RNF182: variants seen among roughly 807,000 people sequenced by gnomAD.
RNF182 encodes the protein ring finger protein 182.
A neutral mutation model predicts 14.4 loss-of-function variants in RNF182; 15 were observed. The ratio of observed to expected loss-of-function variants is 1.04; its 90% CI spans 0.70 to 1.60. RNF182 has a LOEUF of 1.60. RNF182 is among the 40% of genes most tolerant of loss of function. The pLI is 0.00. For synonymous variants in RNF182, 128 were observed against 122.9 expected (o/e 1.04, Z -0.27); for missense variants, 268 against 294.8 (o/e 0.91, Z 0.67).
chr6:13,969,483 G>A (rs1403011676), intron 1 of RNF182, among the ~76,000 whole-genome samples: 1 of 152,078 alleles, frequency 6.6e-6, no homozygotes, highest in African/African-American at 2.4e-5. Context: ...TGAGTGAGTA[G>A]GAAACACTAC....
intron 1 of RNF182, among the ~76,000 whole-genome samples, chr6:13,935,592 A>G (rs969487310): frequency 2.6e-5 from 4 of 152,234 alleles, no homozygotes; most frequent in African/African-American, 9.6e-5. Context: ...AGATGTTTTC[A>G]CAGGAAGTCA....
At position 13,980,238 on chromosome 6, in the gene RNF182, T is replaced by G. The variant is rs922305126; in HGVS notation, c.*2375T>G. 3 of 150,106 alleles carry G rather than the reference T, an allele frequency of 2.0e-5. No homozygotes were observed. The East Asian group carries it at 5.8e-4, about 29-fold the overall frequency. The allele number at this position is 150,106 out of a possible 1,614,324, so 9.3% of individuals were successfully genotyped here. A position where few individuals can be genotyped will look rare whatever the true frequency, so the allele number is the denominator to read the frequency against. On this transcript the variant is annotated 3_prime_UTR_variant, in exon 3 of 3. Coordinates refer to ENST00000488300, the MANE Select transcript of RNF182 (RefSeq NM_152737.4). ...TTTATTTTATTTTATTTTATTTTAT[T>G]TTATTTATTTATTTTAAAGCAGGGG... is the stretch of plus-strand genomic sequence containing the variant.
chr6:13,928,700 A>G (rs1482377799), intron 1 of RNF182, among the ~76,000 whole-genome samples: 1 of 152,202 alleles, frequency 6.6e-6, no homozygotes, highest in Non-Finnish European at 1.5e-5. Context: ...GCTTATTTCC[A>G]TACATGTTTT....
chr6:13,935,768 A>C (rs772727699), intron 1 of RNF182, among the ~76,000 whole-genome samples: 3 of 152,218 alleles, frequency 2.0e-5, no homozygotes, highest in Non-Finnish European at 4.4e-5. Flanking sequence ...TAAAAATAAG[A>C]CATCTTACTA....
In RNF182 at chr6:13,980,217, T is replaced by TTTTAC. The variant is rs1310660088; in HGVS notation, c.*2358_*2359insCTTTA. ...TTCATAGTTTTTTTATTTTATTTTA[T>TTTTAC]TTTATTTTATTTTATTTTATTTTAT... On this transcript the variant is annotated 3_prime_UTR_variant, in exon 3 of 3. Coordinates refer to ENST00000488300, the MANE Select transcript of RNF182 (RefSeq NM_152737.4). The TTTTAC allele has an allele frequency of 2.0e-5, 3 of 147,628 alleles. No homozygotes were observed. In the East Asian group the frequency reaches 5.8e-4, roughly 29 times the overall value. 9.1% of individuals were successfully genotyped at this position (147,628 alleles called of 1,614,324 possible). A position where few individuals can be genotyped will look rare whatever the true frequency, so the allele number is the denominator to read the frequency against.
chr6:13,960,691 G>GTGTGTGTGTGTGCGCA (rs1759853518), intron 1 of RNF182, among the ~76,000 whole-genome samples: 3 of 118,890 alleles, frequency 2.5e-5, no homozygotes, highest in South Asian at 5.8e-4. Flanking sequence ...GTGTGTGTGT[G>GTGTGTGTGTGTGCGCA]TGCGCGCGTG....
In RNF182 at chr6:13,933,771, G is replaced by A. The variant is rs563866048; in HGVS notation, c.-367+8748G>A. On this transcript the variant is annotated intron_variant, in intron 1 of 2. Coordinates refer to ENST00000488300, the MANE Select transcript of RNF182 (RefSeq NM_152737.4). ...GGTGGCTTATGCCTGTAATCCCAGC[G>A]CTTTGGAAGGCTGAGGTGGACAGGT... Among the ~76,000 whole-genome samples the A allele has an allele frequency of 1.4e-4, 22 of 152,180 alleles. No individual in the cohort carries two copies. In the South Asian group the frequency reaches 3.5e-3, roughly 24 times the overall value.
intron 1 of RNF182, among the ~76,000 whole-genome samples, chr6:13,969,248 C>G (rs561835855): frequency 1.3e-5 from 2 of 152,250 alleles, no homozygotes; most frequent in South Asian, 4.1e-4. Flanking sequence ...GGTTCTGTAT[C>G]CCTTCCCCTG....
intron 1 of RNF182, among the ~76,000 whole-genome samples, chr6:13,935,147 G>A (rs1757845085): frequency 6.6e-6 from 1 of 152,154 alleles, no homozygotes; most frequent in Admixed American, 6.5e-5. Flanking sequence ...AGATGCAAGG[G>A]GGCAAGATTG....
chr6:13,963,920 G>A (rs1439151103), intron 1 of RNF182, among the ~76,000 whole-genome samples: 1 of 152,102 alleles, frequency 6.6e-6, no homozygotes, highest in Non-Finnish European at 1.5e-5. Context: ...AGGGGCTAGG[G>A]CAAAGAGTAT....
chr6:13,961,502 A>C (rs1290052239), intron 1 of RNF182: 4 of 152,088 alleles, frequency 2.6e-5, no homozygotes, highest in Non-Finnish European at 5.9e-5. Context: ...GGATGGTCAT[A>C]CTCCTGGCTG....
Position 13,977,824 on chromosome 6 carries a change from T to G in RNF182, c.705T>G (p.Val235=). ...TGGTGTATGGTTTTTGCCAGTGTGTTTGTCATGAATTTCTAGACTGTATGG... is the reference window on the plus strand; with the variant it reads ...TGGTGTATGGTTTTTGCCAGTGTGTGTGTCATGAATTTCTAGACTGTATGG... ...ILMVYGFCQC[V]CHEFLDCMAP... Residue 235 remains valine (V), a synonymous_variant, in exon 3 of 3, where the codon GTT becomes GTG. Coordinates refer to ENST00000488300, the MANE Select transcript of RNF182 (RefSeq NM_152737.4). 1 of 1,614,074 alleles carries G rather than the reference T, an allele frequency of 6.2e-7. No homozygotes were observed.
At chr6:13,950,359 A>T (rs1157604036) in intron 1 of RNF182, among the ~76,000 whole-genome samples, 5 of 152,206 alleles carry the variant, frequency 3.3e-5, no homozygotes, top group Non-Finnish European at 7.3e-5. Flanking sequence ...AAATAATTAT[A>T]AAAAATGTCA....
chr6:13,929,679 T>C (rs949275539), intron 1 of RNF182, among the ~76,000 whole-genome samples: 1 of 152,226 alleles, frequency 6.6e-6, no homozygotes, highest in Non-Finnish European at 1.5e-5. Context: ...CCCTTTTTTA[T>C]GAGTGAGGAA....
At chr6:13,943,044 G>A (rs940251615) in intron 1 of RNF182, among the ~76,000 whole-genome samples, 3 of 152,156 alleles carry the variant, frequency 2.0e-5, no homozygotes, top group Non-Finnish European at 2.9e-5. Flanking sequence ...TTATTTGGTA[G>A]ATTAGTAGAT....
chr6:13,926,391 A>G (rs1410348843), intron 1 of RNF182, among the ~76,000 whole-genome samples: 1 of 152,252 alleles, frequency 6.6e-6, no homozygotes, highest in Admixed American at 6.5e-5. Flanking sequence ...AACACCTGTT[A>G]GCCTGCTGAT....
intron 1 of RNF182, among the ~76,000 whole-genome samples, chr6:13,947,391 A>C (rs968439717): frequency 6.6e-6 from 1 of 152,188 alleles, no homozygotes; most frequent in Non-Finnish European, 1.5e-5. Context: ...TTGGCAAAAT[A>C]AATTTTAGTC....
At chr6:13,964,404 A>T (rs1331520161) in intron 1 of RNF182, among the ~76,000 whole-genome samples, 4 of 152,170 alleles carry the variant, frequency 2.6e-5, no homozygotes, top group African/African-American at 7.2e-5. Flanking sequence ...GTTCTGCCCA[A>T]ATTAAACTTT....
intron 1 of RNF182, among the ~76,000 whole-genome samples, chr6:13,930,390 A>T (rs900897204): frequency 6.6e-6 from 1 of 152,180 alleles, no homozygotes; most frequent in African/African-American, 2.4e-5. Flanking sequence ...TGGCCTTGCT[A>T]TATACATGTA....
Sources: gnomAD v4.1 joint callset for allele counts (sites outside exome capture counted in the v4.1 genomes callset) on GRCh38, gnomAD v4.1.1 for gene constraint, MANE v1.5 for transcripts, NCBI Gene and HGNC (gene_info 2026-07-23, HGNC 2026-07-21) for gene names.